The following TIMELESS variants were observed in gnomAD, a reference collection of about 807,000 sequenced individuals.
TIMELESS encodes the protein timeless circadian regulator.
TIMELESS carries 124 observed loss-of-function variants against 164.3 expected under a neutral mutation model. That is an observed-to-expected ratio of 0.75 (90% CI 0.65 to 0.88). The LOEUF (loss-of-function observed/expected upper bound fraction) is 0.88. Ranked by LOEUF, TIMELESS falls within the 40% of genes least tolerant of loss-of-function variation. TIMELESS has a pLI of 0.00. For synonymous variants in TIMELESS, 564 were observed against 563.4 expected, an observed-to-expected ratio of 1.00 and a Z score of -0.02; for missense variants, 1,422 against 1,491.4, an observed-to-expected ratio of 0.95 and a Z score of 0.77.
At position 56,431,611 on chromosome 12, in the gene TIMELESS, T is replaced by C; in HGVS notation, c.688-7A>G. On this transcript the variant is annotated splice_polypyrimidine_tract_variant and splice_region_variant and intron_variant, in intron 7 of 28. Transcript: ENST00000553532. ...CCGCCAGCTGCTCGGGGTTCTAGAT[T>C]GGAACAAAGAGGGAAGAATCAGGAG... is the stretch of plus-strand genomic sequence containing the variant. The C allele has an allele frequency of 6.2e-7, 1 of 1,608,800 alleles. No individual in the cohort carries two copies. Among genetic ancestry groups the C allele is most frequent in the African/African-American group, 1.3e-5 (1 of 74,616 alleles).
At chr12:56,427,169 C>A (rs920758230) in intron 13 of TIMELESS, among the ~76,000 whole-genome samples, 1 of 152,178 alleles carries the variant, frequency 6.6e-6, no homozygotes, top group Non-Finnish European at 1.5e-5. Context: ...GTGGCCCAGA[C>A]TGGAGTGCAG....
rs764971048 is a variant in TIMELESS at position 56,430,216 on chromosome 12, G to A, written c.975C>T (p.Ala325=). The change falls in exon 10 of 29, where the codon GCC becomes GCT. Residue 325 remains alanine (A), a synonymous_variant. Transcript: ENST00000553532. ...AACGGCGCTGAATGGACAGCTCTCG[G>A]GCGGCCTGGCGACGTTTAGGCACCT... is the stretch of plus-strand genomic sequence containing the variant. The part of the protein sequence containing the change: ...PKKVPKRRQA[A]RELSIQRRSA... The A allele has an allele frequency of 6.2e-7, 1 of 1,614,008 alleles. No individual in the cohort carries two copies. The highest frequency in any genetic ancestry group is 8.5e-7 in the Non-Finnish European group (1 of 1,179,982).
rs774426843 is a variant in TIMELESS at position 56,423,388 on chromosome 12, C to T, written c.2178G>A (p.Val726=). 1.9e-6 allele frequency: 3 copies of T among 1,614,162 alleles called. No individual in the cohort carries two copies. The East Asian group carries it at 6.7e-5, about 36-fold the overall frequency. The change falls in exon 18 of 29, where the codon GTG becomes GTA. Residue 726 remains valine, a synonymous_variant. Coordinates refer to ENST00000553532, the MANE Select transcript of TIMELESS (RefSeq NM_003920.5). ...QNSAHTNHCI[V]KMLHRLAHDL... is the part of the protein sequence containing the mutation. ...CATGGGCCAGCCGGTGCAGCATCTTCACAATGCAATGGTTAGTGTGGGCAC... is the reference window on the plus strand; with the variant it reads ...CATGGGCCAGCCGGTGCAGCATCTTTACAATGCAATGGTTAGTGTGGGCAC...
chr12:56,429,226 TCTCA>T lies in TIMELESS; in HGVS notation c.1087-130_1087-127del. 3 of 785,686 alleles carry T rather than the reference TCTCA, an allele frequency of 3.8e-6. No homozygotes were observed. The South Asian group carries it at 5.6e-5, about 15-fold the overall frequency. 48.7% of individuals were successfully genotyped at this position (785,686 alleles called of 1,614,324 possible). A position where few individuals can be genotyped will look rare whatever the true frequency, so the allele number is the denominator to read the frequency against. On this transcript the variant is annotated intron_variant, in intron 10 of 28. Coordinates refer to ENST00000553532, the MANE Select transcript of TIMELESS (RefSeq NM_003920.5). ...TAATTTTTTTTTTTTTGAGGCGGAG[TCTCA>T]CTCTATTGCCCAGGCTGGAGTGCAA... is the stretch of plus-strand genomic sequence containing the variant.
Position 56,423,406 on chromosome 12 carries a change from G to A in TIMELESS, c.2160C>T (p.His720=). The stretch of plus-strand genomic sequence containing the variant: ...GCATCTTCACAATGCAATGGTTAGT[G>A]TGGGCACTATTCTGCTGGTAGCTCC... ...LLRSYQQNSA[H]TNHCIVKMLH... is the part of the protein sequence containing the mutation. Residue 720 remains histidine, a synonymous_variant, in exon 18 of 29, where the codon CAC becomes CAT. Transcript: ENST00000553532. 1.9e-6 allele frequency: 3 copies of A among 1,614,136 alleles called. No homozygotes were observed. Among genetic ancestry groups the A allele is most frequent in the Non-Finnish European group, 1.7e-6 (2 of 1,180,028 alleles).
At chr12:56,434,269 C>G (rs1881999813) in intron 1 of TIMELESS, 38 bp from the exon 2 acceptor site, 5 of 978,094 alleles carry the variant, frequency 5.1e-6, no homozygotes, top group Non-Finnish European at 8.0e-6. Flanking sequence ...GTAAGTTCCT[C>G]TCCATGAAAA....
intron 7 of TIMELESS, 112 bp downstream of exon 7, chr12:56,432,257 G>A (rs1881909900): frequency 2.3e-6 from 3 of 1,306,694 alleles, no homozygotes; most frequent in Middle Eastern, 2.1e-4. Context: ...GGCTACTCCT[G>A]CTGTCGCCTG....
At chr12:56,424,481 C>T (rs541036094) in intron 15 of TIMELESS, among the ~76,000 whole-genome samples, 2 of 151,992 alleles carry the variant, frequency 1.3e-5, no homozygotes, top group Non-Finnish European at 2.9e-5. Context: ...AGAAACATGC[C>T]GTAGGTCATT....
rs537965247 is a variant in TIMELESS at position 56,421,442 on chromosome 12, C to T, written c.2777G>A (p.Arg926Gln). ...KNITAKRSRARIVDKLLALGL... is the reference protein window; with the variant it reads ...KNITAKRSRAQIVDKLLALGL... ...CAGAGCCAAGAGTTTATCCACTATTCGGGCCCGTGAGCGTTTGGCTGTGAT... is the reference window on the plus strand; with the variant it reads ...CAGAGCCAAGAGTTTATCCACTATTTGGGCCCGTGAGCGTTTGGCTGTGAT... The change falls in exon 23 of 29, where the codon CGA (arginine) becomes CAA (glutamine). Residue 926 changes from arginine (R) to glutamine (Q), a missense_variant. Transcript: ENST00000553532. 11 of 1,614,084 alleles carry T rather than the reference C, an allele frequency of 6.8e-6. No homozygotes were observed. The highest frequency in any genetic ancestry group is 2.2e-5 in the South Asian group (2 of 91,066).
intron 10 of TIMELESS, 26 bp downstream of exon 10, chr12:56,430,079 T>C (rs757772639): frequency 1.8e-5 from 28 of 1,580,750 alleles, no homozygotes; most frequent in Non-Finnish European, 2.0e-5. Context: ...TTCCTGATTA[T>C]CTCCATATCC....
In TIMELESS at chr12:56,420,839, CG is replaced by C. The variant is rs1259765404; in HGVS notation, c.3082del (p.Arg1028GlufsTer40). 6.2e-7 allele frequency: 1 copy of C among 1,614,042 alleles called. No individual in the cohort carries two copies. Among genetic ancestry groups the C allele is most frequent in the Non-Finnish European group, 8.5e-7 (1 of 1,180,034 alleles). ...ATCCTCTTCCCGATCATCAGCTGCTCGGATCAGGCAGTTCTGGAGCCATAGG... is the reference window on the plus strand; with the variant it reads ...ATCCTCTTCCCGATCATCAGCTGCTCGATCAGGCAGTTCTGGAGCCATAGG... ...PLLWLQNCLI[R>X]AADDREEDGC... On this transcript the variant is annotated frameshift_variant, in exon 25 of 29. Coordinates refer to ENST00000553532, the MANE Select transcript of TIMELESS (RefSeq NM_003920.5). LOFTEE classifies it high-confidence loss of function.
At chr12:56,437,866 C>T (rs1324246579) in intron 1 of TIMELESS, among the ~76,000 whole-genome samples, 1 of 152,082 alleles carries the variant, frequency 6.6e-6, no homozygotes, top group Admixed American at 6.6e-5. Context: ...GGGATGGAGG[C>T]AGCAGGCAAG....
Position 56,421,810 on chromosome 12 carries a change from C to T in TIMELESS, c.2643-1G>A, listed in dbSNP as rs754927502. ...CCACAGTACAATATGGGTTCCTTTC[C>T]TGATTAGGAAGGTGTCAGTGGAAGA... is the stretch of plus-strand genomic sequence containing the variant. On this transcript the variant is annotated splice_acceptor_variant, in intron 21 of 28. Coordinates refer to ENST00000553532, the MANE Select transcript of TIMELESS (RefSeq NM_003920.5). LOFTEE classifies it high-confidence loss of function. 1 of 1,614,130 alleles carries T rather than the reference C, an allele frequency of 6.2e-7. No homozygotes were observed. The highest frequency in any genetic ancestry group is 1.1e-5 in the South Asian group (1 of 91,080).
At chr12:56,420,509 G>C in intron 26 of TIMELESS, 60 bp downstream of exon 26, 1 of 1,328,818 alleles carries the variant, frequency 7.5e-7, no homozygotes, top group Non-Finnish European at 1.1e-6. Context: ...GGAGGAGGAG[G>C]AGATGTATTT....
Position 56,449,328 on chromosome 12 carries a change from C to G in TIMELESS, c.-80G>C, listed in dbSNP as rs1249073059. ...CACTCACCCGCTCCCTGCGGGTCCT[C>G]AGAAGCCCGGAGGAGCCACCGGCCC... On this transcript the variant is annotated 5_prime_UTR_variant, in exon 1 of 29. Transcript: ENST00000553532. The G allele has an allele frequency of 6.6e-6, 1 of 152,318 alleles. No homozygotes were observed. The highest frequency in any genetic ancestry group is 6.5e-5 in the Admixed American group (1 of 15,290). The allele number at this position is 152,318 out of a possible 1,614,324, so 9.4% of individuals were successfully genotyped here.
chr12:56,439,969 T>C (rs914928955), intron 1 of TIMELESS, among the ~76,000 whole-genome samples: 6 of 152,272 alleles, frequency 3.9e-5, no homozygotes, highest in Admixed American at 2.0e-4. Context: ...CCAATGGAAC[T>C]GGACATTTAA....
chr12:56,429,622 C>T (rs1384304586), intron 10 of TIMELESS, among the ~76,000 whole-genome samples: 1 of 150,204 alleles, frequency 6.7e-6, no homozygotes, highest in Non-Finnish European at 1.5e-5. Flanking sequence ...CTGCCTCAGG[C>T]TCCTGAGTAA....
intron 26 of TIMELESS, among the ~76,000 whole-genome samples, chr12:56,420,006 CAAAAAA>C (rs57647901): frequency 0.071 from 938 of 13,256 alleles, 13 homozygotes; most frequent in Admixed American, 0.1. Flanking sequence ...GACTCTGTCT[CAAAAAA>C]AAAAAAAAAA....
Position 56,426,067 on chromosome 12 carries a change from A to T in TIMELESS, c.1579-915T>A, listed in dbSNP as rs112235704. Reference sequence around the variant, plus strand: ...AGAACTTACAATCAAACACACCAAAACTTAGGAGCATGGAGTCCAGCAGAT... The same window carrying T: ...AGAACTTACAATCAAACACACCAAATCTTAGGAGCATGGAGTCCAGCAGAT... On this transcript the variant is annotated intron_variant, in intron 13 of 28. Transcript: ENST00000553532. 8.6e-3 allele frequency among the ~76,000 whole-genome samples: 1,310 copies of T among 152,242 alleles called. 13 individuals are homozygous for T. Among genetic ancestry groups the T allele is most frequent in the African/African-American group, 0.028 (1,157 of 41,542 alleles).
Sources: gnomAD v4.1 joint callset for allele counts (sites outside exome capture counted in the v4.1 genomes callset) on GRCh38, gnomAD v4.1.1 for gene constraint, MANE v1.5 for transcripts, NCBI Gene and HGNC (gene_info 2026-07-23, HGNC 2026-07-21) for gene names.